Variants in SNAPC4 observed in about 807,000 individuals in gnomAD.
SNAPC4 encodes the protein small nuclear RNA activating complex polypeptide 4.
Under a neutral mutation model 151.3 loss-of-function variants are expected in SNAPC4, and 127 were observed. The observed-to-expected ratio is 0.84, with a 90% CI of 0.73 to 0.97. The LOEUF is 0.97. SNAPC4 is among the 50% of genes least tolerant of loss of function. SNAPC4 has a pLI of 0.00. For missense variants in SNAPC4, 2,186 were observed against 1,935.0 expected, an observed-to-expected ratio of 1.13 and a Z score of -2.43; for synonymous variants, 1,002 against 824.4, an observed-to-expected ratio of 1.22 and a Z score of -3.69.
rs369682303 is a variant in SNAPC4 at position 136,383,945 on chromosome 9, T to G, written c.1500+8A>C. 5.0e-6 allele frequency: 8 copies of G among 1,610,594 alleles called. No homozygotes were observed. The highest frequency in any genetic ancestry group is 6.8e-6 in the Non-Finnish European group (8 of 1,178,180). ...TGGTTTCAGATAAAGAAGGAGCGAGTGGCTCACCCCCATCATGATCTTCCA... is the reference window on the plus strand; with the variant it reads ...TGGTTTCAGATAAAGAAGGAGCGAGGGGCTCACCCCCATCATGATCTTCCA... On this transcript the variant is annotated splice_region_variant and intron_variant, in intron 15 of 23. Transcript: ENST00000684778. This position sits in a 1 kb window ranked among gnomAD's most constrained non-coding sequence, Gnocchi z 4.2.
intron 14 of SNAPC4, 95 bp from the exon 15 acceptor site, chr9:136,384,127 A>G (rs1040641454): frequency 3.0e-6 from 3 of 999,028 alleles, no homozygotes; most frequent in Non-Finnish European, 4.5e-6. Flanking sequence ...TGGCCCCATC[A>G]GAGTGGAGCC....
chr9:136,396,012 T>G (rs537247952), intron 3 of SNAPC4, among the ~76,000 whole-genome samples: 1 of 152,312 alleles, frequency 6.6e-6, no homozygotes, highest in Non-Finnish European at 1.5e-5. Flanking sequence ...AGGCAGAGCC[T>G]CCAACCTGGA....
In SNAPC4 at chr9:136,400,121, G is replaced by A. The variant is rs34928728; in HGVS notation, c.-10+13C>T. ...ACGCCACCCGCGCCTCACCTGCTGG[G>A]CGCACACCTTACCTGGCCGCGCGGA... On this transcript the variant is annotated intron_variant, in intron 1 of 23. Transcript: ENST00000684778. The A allele has an allele frequency of 6.6e-6, 1 of 152,148 alleles. No homozygotes were observed. Among genetic ancestry groups the A allele is most frequent in the Admixed American group, 6.5e-5 (1 of 15,272 alleles). 9.4% of individuals were successfully genotyped at this position (152,148 alleles called of 1,614,324 possible). A position where few individuals can be genotyped will look rare whatever the true frequency, so the allele number is the denominator to read the frequency against.
chr9:136,389,606 A>T (rs1479601555), intron 10 of SNAPC4, among the ~76,000 whole-genome samples: 1 of 152,210 alleles, frequency 6.6e-6, no homozygotes, highest in Non-Finnish European at 1.5e-5. Flanking sequence ...GCACGCCCCC[A>T]AGAGAGTGCT....
At chr9:136,386,410 C>T (rs1018966721) in intron 13 of SNAPC4, among the ~76,000 whole-genome samples, 2 of 151,854 alleles carry the variant, frequency 1.3e-5, no homozygotes, top group East Asian at 3.9e-4. Flanking sequence ...TACTAAAAAC[C>T]ACTGACCTCT....
Position 136,394,410 on chromosome 9 carries a change from C to T in SNAPC4, c.551-80G>A, listed in dbSNP as rs537469045. 1,238 of 1,319,704 alleles carry T rather than the reference C, an allele frequency of 9.4e-4. 1 individual carries two copies. The highest frequency in any genetic ancestry group is 1.3e-3 in the Non-Finnish European group (1,167 of 914,280). 81.7% of individuals were successfully genotyped at this position (1,319,704 alleles called of 1,614,324 possible). A position where few individuals can be genotyped will look rare whatever the true frequency, so the allele number is the denominator to read the frequency against. On this transcript the variant is annotated intron_variant, in intron 6 of 23. Coordinates refer to ENST00000684778, the MANE Select transcript of SNAPC4 (RefSeq NM_003086.4). ...GCCCCCACGGTTGGTGTGCACTTCCCGAGGCAGTGGTGGGGGGCCCCACAG... is the reference window on the plus strand; with the variant it reads ...GCCCCCACGGTTGGTGTGCACTTCCTGAGGCAGTGGTGGGGGGCCCCACAG...
chr9:136,378,388 A>T lies in SNAPC4; in HGVS notation c.3439T>A (p.Ser1147Thr), dbSNP rs753924845. ...GGAGCTGGGGTGTCTGTCCTGCAGG[A>T]AGGCTCCGGTTCCCTGTTCATATTG... ...PANMNREPEP[S>T]CRTDTPAPPT... Residue 1147 changes from serine to threonine, a missense_variant, in exon 22 of 24, where the codon TCC becomes ACC. By Grantham distance (58) the Ser-to-Thr change is moderately conservative (BLOSUM62 1). Transcript: ENST00000684778. 2 of 1,610,542 alleles carry T rather than the reference A, an allele frequency of 1.2e-6. No individual in the cohort carries two copies. The highest frequency in any genetic ancestry group is 1.7e-6 in the Non-Finnish European group (2 of 1,179,488).
intron 7 of SNAPC4, among the ~76,000 whole-genome samples, chr9:136,393,706 A>C (rs1290812592): frequency 6.6e-6 from 1 of 151,792 alleles, no homozygotes; most frequent in East Asian, 1.9e-4. Context: ...CCCGAGCCAC[A>C]CCCCTCATCG....
chr9:136,390,038 A>G (rs1280841342), intron 10 of SNAPC4, among the ~76,000 whole-genome samples: 1 of 152,150 alleles, frequency 6.6e-6, no homozygotes, highest in Non-Finnish European at 1.5e-5. Context: ...CAAAAATCAC[A>G]AGGAGAAAAA....
rs540215672 is a variant in SNAPC4, at chr9:136,379,404, G to T, written c.2528-105C>A. On this transcript the variant is annotated intron_variant, in intron 21 of 23. Coordinates refer to ENST00000684778, the MANE Select transcript of SNAPC4 (RefSeq NM_003086.4). ...AGGAGGGACCATGTGGGGAGCCTGG[G>T]GTCTTGAGCCAAGAGAGGGTCAAGC... 5.2e-6 allele frequency: 8 copies of T among 1,528,064 alleles called. No homozygotes were observed. In the African/African-American group the frequency reaches 9.6e-5, roughly 18 times the overall value. The allele number at this position is 1,528,064 out of a possible 1,614,324, so 94.7% of individuals were successfully genotyped here.
At chr9:136,390,284 G>A (rs756846660) in intron 10 of SNAPC4, among the ~76,000 whole-genome samples, 3 of 152,070 alleles carry the variant, frequency 2.0e-5, no homozygotes, top group Non-Finnish European at 2.9e-5. Flanking sequence ...GGCCGGGCGC[G>A]GTGGCTCACG....
intron 8 of SNAPC4, 35 bp from the exon 9 acceptor site, chr9:136,392,629 T>G: frequency 6.2e-7 from 1 of 1,613,570 alleles, no homozygotes; most frequent in Middle Eastern, 1.6e-4. Context: ...GCACCACGCC[T>G]GGCTTGTGGG....
intron 11 of SNAPC4, among the ~76,000 whole-genome samples, chr9:136,388,117 A>G (rs1833951653): frequency 6.6e-6 from 1 of 152,082 alleles, no homozygotes; most frequent in Non-Finnish European, 1.5e-5. Flanking sequence ...AAAATACAAA[A>G]TTAGCTGGGC....
chr9:136,387,147 C>G (rs1376777015), intron 13 of SNAPC4, among the ~76,000 whole-genome samples: 1 of 152,238 alleles, frequency 6.6e-6, no homozygotes, highest in Non-Finnish European at 1.5e-5. Flanking sequence ...GGAGCTGCAG[C>G]TGTGTGCCCA....
chr9:136,394,222 GT>G (rs1834179392), intron 7 of SNAPC4, 26 bp downstream of exon 7: 1 of 1,584,444 alleles, frequency 6.3e-7, no homozygotes, highest in Non-Finnish European at 8.7e-7. Flanking sequence ...CCTGAAGACC[GT>G]TTTTGACTTA....
intron 10 of SNAPC4, among the ~76,000 whole-genome samples, chr9:136,390,891 G>C (rs1255943059): frequency 6.6e-6 from 1 of 151,032 alleles, no homozygotes; most frequent in East Asian, 1.9e-4. Context: ...CTGGAGTGCA[G>C]TGGCGCGACG....
intron 6 of SNAPC4, 40 bp from the exon 7 acceptor site, chr9:136,394,370 C>A (rs910887042): frequency 6.4e-7 from 1 of 1,551,460 alleles, no homozygotes. Flanking sequence ...GGGTCTGGAT[C>A]CTCTCCACGG....
In SNAPC4 at chr9:136,392,036, T is replaced by G; in HGVS notation, c.881A>C (p.Lys294Thr). 6.2e-7 allele frequency: 1 copy of G among 1,612,518 alleles called. No homozygotes were observed. Among genetic ancestry groups the G allele is most frequent in the South Asian group, 1.1e-5 (1 of 91,074 alleles). Residue 294 changes from lysine to threonine, a missense_variant, in exon 10 of 24, where the codon AAG becomes ACG. Transcript: ENST00000684778. ...WQNSEHPSIN[K>T]QEWSREEEER... ...CTCCTCCTCCCTGCTCCACTCCTGC[T>G]TGTTGATGCTGGGGTGCTCCGAGTT...
In SNAPC4 at chr9:136,378,574, G is replaced by T; in HGVS notation, c.3253C>A (p.Leu1085Ile). ...ACAGCTGGTACAGGAACAGGGAGAA[G>T]CCCCTGGGCTGTGAGCACCCAGGTG... ...PVTWVLTAQG[L>I]LPVPVPAVVS... is the part of the protein sequence containing the mutation. The change falls in exon 22 of 24, where the codon CTT becomes ATT. Residue 1085 changes from leucine to isoleucine, a missense_variant. Transcript: ENST00000684778. 1 of 1,589,534 alleles carries T rather than the reference G, an allele frequency of 6.3e-7. No homozygotes were observed.
Sources: gnomAD v4.1 joint callset for allele counts (sites outside exome capture counted in the v4.1 genomes callset) on GRCh38, gnomAD v4.1.1 for gene constraint, Gnocchi (gnomAD v3.1) non-coding constraint, MANE v1.5 for transcripts, NCBI Gene and HGNC (gene_info 2026-07-23, HGNC 2026-07-21) for gene names.